The following MINK1 variants were observed in gnomAD, a reference collection of about 807,000 sequenced individuals.
MINK1 encodes misshapen-like kinase 1.
Under a neutral mutation model 178.4 loss-of-function variants are expected in MINK1, and 46 were observed. The ratio of observed to expected loss-of-function variants is 0.26; its 90% CI spans 0.20 to 0.33. The LOEUF (loss-of-function observed/expected upper bound fraction) is 0.33, where lower values mean the gene tolerates loss of function less well. MINK1 is among the 10% of genes least tolerant of loss of function. The probability of loss-of-function intolerance (pLI) is 1.00; values close to 1 mark genes in which losing one functional copy is unlikely to be tolerated. For synonymous variants in MINK1, 797 were observed against 709.7 expected (o/e 1.12, Z -1.96); for missense variants, 1,366 against 1,814.9 (o/e 0.75, Z 4.49).
intron 1 of MINK1, among the ~76,000 whole-genome samples, chr17:4,875,796 GT>G (rs199503442): frequency 4.1e-4 from 61 of 150,090 alleles, no homozygotes; most frequent in African/African-American, 8.3e-4. Flanking sequence ...AATTTGTTAG[GT>G]TTTTTTTCCC....
rs768507520 is a variant in MINK1 at position 4,897,409 on chromosome 17, G to A, written c.*122G>A. The A allele has an allele frequency of 3.1e-5, 27 of 862,350 alleles. No individual in the cohort carries two copies. The highest frequency in any genetic ancestry group is 7.2e-5 in the Admixed American group (3 of 41,400). 53.4% of individuals were successfully genotyped at this position (862,350 alleles called of 1,614,324 possible). On this transcript the variant is annotated 3_prime_UTR_variant, in exon 32 of 32. Coordinates refer to ENST00000355280, the MANE Select transcript of MINK1 (RefSeq NM_153827.5). ...CTTTTACTGGTTTGATTTCACTGGA[G>A]CCTGCTGGGAACGTGACCTCTGACC... is the stretch of plus-strand genomic sequence containing the variant.
Position 4,895,282 on chromosome 17 carries a change from G to A in MINK1, c.3085+40G>A, listed in dbSNP as rs1249326516. ...GGACAGCTGAGGAGGCTCTGGCGTG[G>A]CTCTTGTGCTCCTGGTTAGGTGAGG... is the stretch of plus-strand genomic sequence containing the variant. On this transcript the variant is annotated intron_variant, in intron 25 of 31. Coordinates refer to ENST00000355280, the MANE Select transcript of MINK1 (RefSeq NM_153827.5). The surrounding 1 kb of genome is among the most constrained non-coding windows in gnomAD (Gnocchi z 4.3). 6.2e-7 allele frequency: 1 copy of A among 1,611,024 alleles called. No homozygotes were observed. The highest frequency in any genetic ancestry group is 1.7e-5 in the Admixed American group (1 of 59,928).
rs1430115883 is a variant in MINK1 at position 4,895,086 on chromosome 17, G to A, written c.2929G>A (p.Gly977Arg). ...DSIPITALVGGEGTRLDQLQY... is the reference protein window; with the variant it reads ...DSIPITALVGREGTRLDQLQY... ...CCTCCTTCTGGCAGCCCTAGTGGGT[G>A]GAGAGGGCACTCGGCTCGACCAGCT... Residue 977 changes from glycine to arginine, a missense_variant, in exon 25 of 32, where the codon GGA becomes AGA. Gly to Arg is a moderately radical substitution (Grantham distance 125). This residue lies in a region of MINK1 where 709 missense variants were observed against 692.3 expected (regional missense o/e 1.02). Coordinates refer to ENST00000355280, the MANE Select transcript of MINK1 (RefSeq NM_153827.5). The surrounding 1 kb of genome is among the most constrained non-coding windows in gnomAD (Gnocchi z 4.3). 3 of 1,613,586 alleles carry A rather than the reference G, an allele frequency of 1.9e-6. No individual in the cohort carries two copies. Among genetic ancestry groups the A allele is most frequent in the Non-Finnish European group, 2.5e-6 (3 of 1,179,986 alleles).
chr17:4,860,087 G>A (rs570282357), intron 1 of MINK1, among the ~76,000 whole-genome samples: 6 of 152,062 alleles, frequency 3.9e-5, no homozygotes, highest in South Asian at 2.1e-4. Flanking sequence ...ACTACTTGCC[G>A]CATGCGGAGC....
At chr17:4,874,035 C>G (rs1966945320) in intron 1 of MINK1, among the ~76,000 whole-genome samples, 1 of 152,144 alleles carries the variant, frequency 6.6e-6, no homozygotes, top group Admixed American at 6.6e-5. Flanking sequence ...GTTGAAAACC[C>G]CTCTCCCATG....
chr17:4,847,358 C>T (rs1400225962), intron 1 of MINK1: 1 of 405,918 alleles, frequency 2.5e-6, no homozygotes, highest in African/African-American at 2.0e-5. Flanking sequence ...CCTGCCTCAG[C>T]CTCTAGCGTA....
intron 1 of MINK1, among the ~76,000 whole-genome samples, chr17:4,862,694 C>T (rs886985392): frequency 6.6e-6 from 1 of 151,706 alleles, no homozygotes; most frequent in African/African-American, 2.4e-5. Flanking sequence ...GTGTAAAACA[C>T]TTAGCACAGT....
chr17:4,863,854 A>G (rs1044650213), intron 1 of MINK1, among the ~76,000 whole-genome samples: 2 of 151,992 alleles, frequency 1.3e-5, no homozygotes. Context: ...CGGTGGCGCA[A>G]TCTCGGCTCA....
chr17:4,873,594 T>G lies in MINK1; in HGVS notation c.58-4723T>G. On this transcript the variant is annotated intron_variant, in intron 1 of 31. Coordinates refer to ENST00000355280, the MANE Select transcript of MINK1 (RefSeq NM_153827.5). Reference sequence around the variant, plus strand: ...CCTGCTCTCCCACAACACAGCATGGTCTTCGCCACTCTTTTTTCTTTTCTT... The same window carrying G: ...CCTGCTCTCCCACAACACAGCATGGGCTTCGCCACTCTTTTTTCTTTTCTT... 1.3e-5 allele frequency among the ~76,000 whole-genome samples: 2 copies of G among 150,818 alleles called. 1 individual carries two copies. The highest frequency in any genetic ancestry group is 2.9e-5 in the Non-Finnish European group (2 of 67,836).
rs1968242375 is a variant in MINK1 at position 4,886,720 on chromosome 17, T to C, written c.949+94T>C. Reference sequence around the variant, plus strand: ...GCTCGCTCCTGGCACCCCTTCCTGCTCCCCTCCTTGGCCCCAGCTCTCCCT... The same window carrying C: ...GCTCGCTCCTGGCACCCCTTCCTGCCCCCCTCCTTGGCCCCAGCTCTCCCT... On this transcript the variant is annotated intron_variant, in intron 10 of 31. Transcript: ENST00000355280. This position sits in a 1 kb window ranked among gnomAD's most constrained non-coding sequence, Gnocchi z 6.1. The C allele has an allele frequency of 7.5e-6, 10 of 1,339,732 alleles. No individual in the cohort carries two copies. The highest frequency in any genetic ancestry group is 9.9e-7 in the Non-Finnish European group (1 of 1,009,712). 83.0% of individuals were successfully genotyped at this position (1,339,732 alleles called of 1,614,324 possible).
At position 4,852,029 on chromosome 17, in the gene MINK1, T is replaced by C. The variant is rs1912084845; in HGVS notation, c.57+18389T>C. Among the ~76,000 whole-genome samples, 2 of 106,640 alleles carry C rather than the reference T, an allele frequency of 1.9e-5. 1 individual carries two copies. The highest frequency in any genetic ancestry group is 7.8e-5 in the African/African-American group (2 of 25,772). 70.0% of individuals were successfully genotyped at this position (106,640 alleles called of 152,430 possible). A position where few individuals can be genotyped will look rare whatever the true frequency, so the allele number is the denominator to read the frequency against. On this transcript the variant is annotated intron_variant, in intron 1 of 31. Coordinates refer to ENST00000355280, the MANE Select transcript of MINK1 (RefSeq NM_153827.5). Reference sequence around the variant, plus strand: ...AAAAAAAAAAAAAAAAAAAAAAAACTAAGAAAGTCCACTCTCTGGTAAAAC... The same window carrying C: ...AAAAAAAAAAAAAAAAAAAAAAAACCAAGAAAGTCCACTCTCTGGTAAAAC...
At chr17:4,865,383 G>A (rs1462033283) in intron 1 of MINK1, among the ~76,000 whole-genome samples, 1 of 151,974 alleles carries the variant, frequency 6.6e-6, no homozygotes, top group Non-Finnish European at 1.5e-5. Flanking sequence ...GCAGTGAGCC[G>A]AGATCGCGCC....
At position 4,836,130 on chromosome 17, in the gene MINK1, C is replaced by G. The variant is rs901939500; in HGVS notation, c.57+2490C>G. ...AGTGTGGTCATCTCTTGTGCTATTC[C>G]TGTCTGTTTTCCAGTGAGAAATGGT... is the stretch of plus-strand genomic sequence containing the variant. On this transcript the variant is annotated intron_variant, in intron 1 of 31. Transcript: ENST00000355280. The surrounding 1 kb of genome is among the most constrained non-coding windows in gnomAD (Gnocchi z 4.3). 2.6e-5 allele frequency among the ~76,000 whole-genome samples: 4 copies of G among 152,174 alleles called. No individual in the cohort carries two copies. Among genetic ancestry groups the G allele is most frequent in the African/African-American group, 4.8e-5 (2 of 41,444 alleles).
intron 1 of MINK1, among the ~76,000 whole-genome samples, chr17:4,865,736 A>T (rs1914863516): frequency 6.6e-6 from 1 of 151,498 alleles, no homozygotes; most frequent in Non-Finnish European, 1.5e-5. Flanking sequence ...AAAAAAAAAA[A>T]AAAGCCAGTA....
intron 1 of MINK1, among the ~76,000 whole-genome samples, chr17:4,839,005 G>A (rs190416354): frequency 6.0e-5 from 9 of 151,170 alleles, no homozygotes; most frequent in African/African-American, 1.7e-4. Context: ...GTGCAGTGGC[G>A]CGATCTTGGC....
rs142924453 is a variant in MINK1 at position 4,896,641 on chromosome 17, C to G, written c.3776-33C>G. ...CATGCCCCGAGGTGGCCCCGGGGTG[C>G]AGCCTGCTCAGCCCCTCACCTGTTC... On this transcript the variant is annotated intron_variant, in intron 30 of 31. Transcript: ENST00000355280. This position sits in a 1 kb window ranked among gnomAD's most constrained non-coding sequence, Gnocchi z 4.6. 2.9e-3 allele frequency: 4,725 copies of G among 1,607,632 alleles called. 11 individuals are homozygous for G. The highest frequency in any genetic ancestry group is 3.6e-3 in the Non-Finnish European group (4,263 of 1,176,110).
intron 21 of MINK1, 59 bp from the exon 22 acceptor site, chr17:4,893,928 CT>C: frequency 7.2e-7 from 1 of 1,395,898 alleles, no homozygotes; most frequent in Non-Finnish European, 9.6e-7. Flanking sequence ...CATCTGCTGC[CT>C]TTGGCACTTC....
Position 4,892,967 on chromosome 17 carries a change from C to T in MINK1, c.2312-12C>T. On this transcript the variant is annotated splice_polypyrimidine_tract_variant and intron_variant, in intron 19 of 31. Coordinates refer to ENST00000355280, the MANE Select transcript of MINK1 (RefSeq NM_153827.5). ...TCAGGCATCAGTGACCTTCTTCCAC[C>T]CTGCCGTCCAGTCTCCTCCAAACCG... 1 of 1,552,010 alleles carries T rather than the reference C, an allele frequency of 6.4e-7. No homozygotes were observed.
At chr17:4,854,612 T>A (rs1912728686) in intron 1 of MINK1, among the ~76,000 whole-genome samples, 1 of 152,232 alleles carries the variant, frequency 6.6e-6, no homozygotes, top group African/African-American at 2.4e-5. Flanking sequence ...GGCATAGAGA[T>A]CCATGAGTGA....
Sources: allele counts gnomAD v4.1 joint callset (sites outside exome capture counted in the v4.1 genomes callset), GRCh38; gene constraint gnomAD v4.1.1; regional missense constraint gnomAD v4.1.1; non-coding constraint Gnocchi (gnomAD v3.1); transcripts MANE v1.5; gene names NCBI Gene and HGNC (gene_info 2026-07-23, HGNC 2026-07-21).